The following SPAG16 variants were observed in gnomAD, a reference collection of about 807,000 sequenced individuals.
The protein encoded by SPAG16 is sperm-associated antigen 16 protein.
Under a neutral mutation model 80.4 loss-of-function variants are expected in SPAG16, and 86 were observed. The ratio of observed to expected loss-of-function variants is 1.07; its 90% CI spans 0.90 to 1.28. SPAG16 has a LOEUF of 1.28. Among genes scored for constraint, SPAG16 ranks in the 50% most tolerant of loss-of-function variants. The pLI is 0.00. For missense variants in SPAG16, 870 were observed against 765.3 expected, an observed-to-expected ratio of 1.14 and a Z score of -1.61; for synonymous variants, 294 against 265.9, an observed-to-expected ratio of 1.11 and a Z score of -1.03.
chr2:214,385,903 C>T (rs1175679013), intron 15 of SPAG16, among the ~76,000 whole-genome samples: 1 of 152,176 alleles, frequency 6.6e-6, no homozygotes, highest in Non-Finnish European at 1.5e-5. Context: ...AGTTGGCTGA[C>T]AACAAGCACA....
intron 12 of SPAG16, among the ~76,000 whole-genome samples, chr2:213,974,255 G>C (rs185627132): frequency 1.8e-4 from 28 of 152,150 alleles, no homozygotes; most frequent in Admixed American, 1.7e-3. Context: ...TTAAGCTCCT[G>C]CTTCAGAAGA....
chr2:214,151,142 G>A (rs1192257500), intron 15 of SPAG16, among the ~76,000 whole-genome samples: 1 of 152,068 alleles, frequency 6.6e-6, no homozygotes, highest in East Asian at 1.9e-4. Flanking sequence ...CCATGTGTGT[G>A]AGAAATTACT....
At chr2:214,249,580 C>A (rs113783271) in intron 15 of SPAG16, among the ~76,000 whole-genome samples, 3,506 of 152,046 alleles carry the variant, frequency 0.023, 92 homozygotes, top group African/African-American at 0.06. Flanking sequence ...TTTTATATGA[C>A]AAGTAAACAC....
chr2:213,475,822 C>T (rs79443057), intron 9 of SPAG16, among the ~76,000 whole-genome samples: 3,536 of 152,218 alleles, frequency 0.023, 58 homozygotes, highest in South Asian at 0.038. Context: ...AGAAAAGGAA[C>T]CCTGAGAACT....
At chr2:214,016,097 T>C (rs2124976965) in intron 13 of SPAG16, among the ~76,000 whole-genome samples, 1 of 152,234 alleles carries the variant, frequency 6.6e-6, no homozygotes, top group Non-Finnish European at 1.5e-5. Flanking sequence ...GAGCTAAAAT[T>C]GGACAGAACT....
intron 11 of SPAG16, among the ~76,000 whole-genome samples, chr2:213,904,925 A>G (rs2077375878): frequency 6.6e-6 from 1 of 152,190 alleles, no homozygotes; most frequent in Non-Finnish European, 1.5e-5. Flanking sequence ...TCTTACTGTG[A>G]GAAATGAGAA....
intron 10 of SPAG16, among the ~76,000 whole-genome samples, chr2:213,685,286 A>C (rs2064608849): frequency 6.6e-6 from 1 of 152,236 alleles, no homozygotes; most frequent in Non-Finnish European, 1.5e-5. Flanking sequence ...ACCCCAATCC[A>C]ATATGACGCG....
intron 15 of SPAG16, among the ~76,000 whole-genome samples, chr2:214,193,303 C>G (rs1475377611): frequency 6.6e-6 from 1 of 151,916 alleles, no homozygotes; most frequent in East Asian, 1.9e-4. Flanking sequence ...CTGGTCGCCT[C>G]TACTAGAACT....
At chr2:213,971,469 ATAT>A (rs2106380897) in intron 12 of SPAG16, among the ~76,000 whole-genome samples, 1 of 152,006 alleles carries the variant, frequency 6.6e-6, no homozygotes, top group East Asian at 1.9e-4. Flanking sequence ...CAAAATTAAC[ATAT>A]TATATTTTTA....
intron 14 of SPAG16, among the ~76,000 whole-genome samples, chr2:214,135,626 G>A (rs1300570737): frequency 6.6e-6 from 1 of 152,034 alleles, no homozygotes; most frequent in Admixed American, 6.6e-5. Flanking sequence ...CTTCCCTGAG[G>A]GAGGGGATGA....
chr2:214,390,813 C>T lies in SPAG16; in HGVS notation c.1721-19327C>T, dbSNP rs116630166. Among the ~76,000 whole-genome samples the T allele has an allele frequency of 2.7e-3, 406 of 152,210 alleles. 1 individual carries two copies. Among genetic ancestry groups the T allele is most frequent in the African/African-American group, 9.5e-3 (395 of 41,534 alleles). ...GCAAGATCAATGTCACAGAGATGATCTGAAATGGAGCTGCCAGTCTATAGA... is the reference window on the plus strand; with the variant it reads ...GCAAGATCAATGTCACAGAGATGATTTGAAATGGAGCTGCCAGTCTATAGA... On this transcript the variant is annotated intron_variant, in intron 15 of 15. Transcript: ENST00000331683.
intron 10 of SPAG16, among the ~76,000 whole-genome samples, chr2:213,642,895 G>T (rs1341144859): frequency 4.0e-5 from 6 of 149,040 alleles, no homozygotes; most frequent in Non-Finnish European, 8.9e-5. Flanking sequence ...TTCCATGCTG[G>T]ATGCTTTCTG....
chr2:213,626,438 A>G (rs1435502942), intron 10 of SPAG16, among the ~76,000 whole-genome samples: 3 of 152,142 alleles, frequency 2.0e-5, no homozygotes, highest in African/African-American at 2.4e-5. Context: ...GCTTAAAAAA[A>G]TGGAGTCTCA....
chr2:213,722,251 T>C (rs1367344913), intron 10 of SPAG16, among the ~76,000 whole-genome samples: 1 of 152,042 alleles, frequency 6.6e-6, no homozygotes, highest in East Asian at 1.9e-4. Context: ...GTGGATAGAG[T>C]GTAGAAATGA....
In SPAG16 at chr2:213,368,438, A is replaced by G. The variant is rs1039541024; in HGVS notation, c.832+4293A>G. ...CTCAAAATAATAAGAGCTATTTATG[A>G]CAAACCCACAGCCAATATCATACTG... On this transcript the variant is annotated intron_variant, in intron 8 of 15. Transcript: ENST00000331683. Among the ~76,000 whole-genome samples the G allele has an allele frequency of 3.9e-5, 6 of 152,306 alleles. No homozygotes were observed. In the East Asian group the frequency reaches 9.6e-4, roughly 24 times the overall value.
intron 15 of SPAG16, among the ~76,000 whole-genome samples, chr2:214,307,527 T>C (rs924736259): frequency 6.6e-6 from 1 of 152,140 alleles, no homozygotes; most frequent in East Asian, 1.9e-4. Context: ...GATGTGGGTA[T>C]TTAGTGCTAT....
At chr2:213,306,464 A>G in intron 3 of SPAG16, among the ~76,000 whole-genome samples, 1 of 33,202 alleles carries the variant, frequency 3.0e-5, no homozygotes, top group Non-Finnish European at 6.8e-5. Flanking sequence ...CTGGTATCTC[A>G]CTAAGTCATG....
chr2:214,030,014 A>G (rs954170882), intron 13 of SPAG16, among the ~76,000 whole-genome samples: 2 of 152,080 alleles, frequency 1.3e-5, no homozygotes, highest in African/African-American at 4.8e-5. Context: ...TAGTCTCTCA[A>G]CCTAATTTTA....
intron 8 of SPAG16, among the ~76,000 whole-genome samples, chr2:213,366,745 A>G (rs1384620486): frequency 6.6e-6 from 1 of 152,206 alleles, no homozygotes; most frequent in Non-Finnish European, 1.5e-5. Flanking sequence ...GTCCATTGAT[A>G]GATGAATGGA....
Sources: allele counts gnomAD v4.1 joint callset (sites outside exome capture counted in the v4.1 genomes callset), GRCh38; gene constraint gnomAD v4.1.1; transcripts MANE v1.5; gene names NCBI Gene and HGNC (gene_info 2026-07-23, HGNC 2026-07-21).